The following TTLL7 variants were observed in gnomAD, a reference collection of about 807,000 sequenced individuals.
TTLL7 encodes the protein tubulin polyglutamylase TTLL7.
A neutral mutation model predicts 120.2 loss-of-function variants in TTLL7; 53 were observed. The ratio of observed to expected loss-of-function variants is 0.44; its 90% CI spans 0.35 to 0.55. The LOEUF is 0.55. TTLL7 is among the 20% of genes least tolerant of loss of function. TTLL7 has a pLI of 0.00. For missense variants in TTLL7, 803 were observed against 1,054.7 expected, an observed-to-expected ratio of 0.76 and a Z score of 3.31; for synonymous variants, 353 against 351.7, an observed-to-expected ratio of 1.00 and a Z score of -0.04.
intron 18 of TTLL7, among the ~76,000 whole-genome samples, chr1:83,897,320 G>A (rs369746886): frequency 1.3e-5 from 2 of 152,030 alleles, no homozygotes; most frequent in African/African-American, 4.8e-5. Flanking sequence ...CCTGGGGCAT[G>A]GTAGTCCCTC....
intron 19 of TTLL7, among the ~76,000 whole-genome samples, chr1:83,888,310 G>A (rs1237306079): frequency 6.6e-6 from 1 of 151,882 alleles, no homozygotes; most frequent in East Asian, 1.9e-4. Flanking sequence ...ATCAACTAAG[G>A]GGCTGTGGAG....
intron 1 of TTLL7, among the ~76,000 whole-genome samples, chr1:83,990,514 G>A (rs1557820586): frequency 6.6e-6 from 1 of 152,174 alleles, no homozygotes; most frequent in Admixed American, 6.5e-5. Flanking sequence ...GATTGCTCTG[G>A]CTAGGACTTC....
intron 1 of TTLL7, among the ~76,000 whole-genome samples, chr1:83,971,561 A>G (rs923657698): frequency 6.6e-6 from 1 of 152,150 alleles, no homozygotes; most frequent in Non-Finnish European, 1.5e-5. Flanking sequence ...CATCCCCAGG[A>G]TGCCACTCAG....
rs1004664939 is a variant in TTLL7, at chr1:83,865,537, T to C, written c.*4425A>G. ...TACGATACATCCCTTTATGACGAGG[T>C]CCAAAAAGCACCAAAAAATGGCAGC... is the stretch of plus-strand genomic sequence containing the variant. On this transcript the variant is annotated 3_prime_UTR_variant, in exon 21 of 21. Transcript: ENST00000260505. 2.6e-5 allele frequency: 4 copies of C among 151,946 alleles called. No individual in the cohort carries two copies. The highest frequency in any genetic ancestry group is 4.4e-5 in the Non-Finnish European group (3 of 67,862). 9.4% of individuals were successfully genotyped at this position (151,946 alleles called of 1,614,324 possible).
intron 18 of TTLL7, among the ~76,000 whole-genome samples, chr1:83,898,428 G>A (rs891309652): frequency 2.0e-5 from 3 of 151,914 alleles, no homozygotes; most frequent in Admixed American, 1.3e-4. Flanking sequence ...GAAGTTCTGA[G>A]AAGTCACCTG....
At chr1:83,900,006 AAATGTAGAAAGTC>A in intron 18 of TTLL7, 1 of 251,644 alleles carries the variant, frequency 4.0e-6, no homozygotes, top group Admixed American at 5.5e-5. Flanking sequence ...TTTTTCCTCT[AAATGTAGAAAGTC>A]AACTGAGCAT....
At position 83,906,350 on chromosome 1, in the gene TTLL7, T is replaced by A. The variant is rs769266789; in HGVS notation, c.2106A>T (p.Glu702Asp). The A allele has an allele frequency of 7.4e-6, 12 of 1,612,374 alleles. No homozygotes were observed. The highest frequency in any genetic ancestry group is 5.0e-5 in the Admixed American group (3 of 59,878). Residue 702 changes from glutamate (E) to aspartate (D), a missense_variant, in exon 17 of 21, where the codon GAA (glutamate) becomes GAT (aspartate). This residue lies in a region of TTLL7 where 388 missense variants were observed against 450.4 expected (regional missense o/e 0.86). Transcript: ENST00000260505. ...KIRFPGKSDA[E>D]SELLIEDIID... ...TCACATCTTCTATCAGAAGTTCTGATTCTGCATCTGACTTTCCTGGAAACC... is the reference window on the plus strand; with the variant it reads ...TCACATCTTCTATCAGAAGTTCTGAATCTGCATCTGACTTTCCTGGAAACC...
chr1:83,908,655 C>G (rs1018977034), intron 15 of TTLL7, among the ~76,000 whole-genome samples: 1 of 151,974 alleles, frequency 6.6e-6, no homozygotes, highest in African/African-American at 2.4e-5. Context: ...TCACTCAATA[C>G]TATCAATATT....
At chr1:83,992,168 A>G (rs1005269155) in intron 1 of TTLL7, among the ~76,000 whole-genome samples, 1 of 152,120 alleles carries the variant, frequency 6.6e-6, no homozygotes, top group African/African-American at 2.4e-5. Context: ...GATTTTTGAC[A>G]AGGCTTTTTG....
rs541301969 is a variant in TTLL7 at position 83,878,077 on chromosome 1, G to A, written c.2543+4886C>T. On this transcript the variant is annotated intron_variant, in intron 20 of 20. Transcript: ENST00000260505. ...TCCATTATAATCTCTTATTTGATTC[G>A]TGGATTATTTAAAAGTATACTTTTT... 9.2e-5 allele frequency among the ~76,000 whole-genome samples: 14 copies of A among 151,448 alleles called. No homozygotes were observed. The East Asian group carries it at 1.7e-3, about 19-fold the overall frequency.
rs1570992070 is a variant in TTLL7 at position 83,870,200 on chromosome 1, G to A, written c.2544-118C>T. 28 of 931,426 alleles carry A rather than the reference G, an allele frequency of 3.0e-5. 1 individual carries two copies. The East Asian group carries it at 9.1e-4, about 30-fold the overall frequency. The allele number at this position is 931,426 out of a possible 1,614,324, so 57.7% of individuals were successfully genotyped here. A position where few individuals can be genotyped will look rare whatever the true frequency, so the allele number is the denominator to read the frequency against. Reference sequence around the variant, plus strand: ...TGAGAAATGTTACTGTAACAAAAATGCAATTCATATAAAAAGATTTCCTCC... The same window carrying A: ...TGAGAAATGTTACTGTAACAAAAATACAATTCATATAAAAAGATTTCCTCC... On this transcript the variant is annotated intron_variant, in intron 20 of 20. Coordinates refer to ENST00000260505, the MANE Select transcript of TTLL7 (RefSeq NM_024686.6).
chr1:83,919,916 T>C (rs529791991), intron 12 of TTLL7, 82 bp from the exon 13 acceptor site: 1,713 of 1,363,922 alleles, frequency 1.3e-3, no homozygotes, highest in Middle Eastern at 3.4e-3. Context: ...TAGACAATCC[T>C]TGACCATCTA....
intron 7 of TTLL7, among the ~76,000 whole-genome samples, 158 bp from the exon 8 acceptor site, chr1:83,938,174 T>C (rs1647597868): frequency 6.6e-6 from 1 of 152,194 alleles, no homozygotes; most frequent in African/African-American, 2.4e-5. Flanking sequence ...CCCAATTAAA[T>C]GGAATGGCAC....
intron 6 of TTLL7, among the ~76,000 whole-genome samples, chr1:83,943,878 C>T (rs1648222483): frequency 6.6e-6 from 1 of 151,944 alleles, no homozygotes; most frequent in Non-Finnish European, 1.5e-5. Context: ...CTAACAGAAA[C>T]CATGTACAAA....
chr1:83,976,979 T>A (rs75452674), intron 1 of TTLL7, among the ~76,000 whole-genome samples: 7,127 of 152,116 alleles, frequency 0.047, 230 homozygotes, highest in Middle Eastern at 0.11. Flanking sequence ...TCGTCTATAT[T>A]AAGCCATTTT....
chr1:83,898,369 C>T (rs1176074833), intron 18 of TTLL7, among the ~76,000 whole-genome samples: 1 of 151,958 alleles, frequency 6.6e-6, no homozygotes, highest in Non-Finnish European at 1.5e-5. Context: ...CTTATGATGT[C>T]TCACTTAAGC....
chr1:83,879,799 T>C (rs949190699), intron 20 of TTLL7: 2 of 151,988 alleles, frequency 1.3e-5, no homozygotes, highest in Non-Finnish European at 2.9e-5. Context: ...TGACCATTTA[T>C]CAGAAGTCCA....
At chr1:83,967,829 TGAG>T (rs1255544337) in intron 1 of TTLL7, among the ~76,000 whole-genome samples, 1 of 151,726 alleles carries the variant, frequency 6.6e-6, no homozygotes, top group Non-Finnish European at 1.5e-5. Flanking sequence ...AACGCTGGAA[TGAG>T]GAGTTCAGCA....
intron 6 of TTLL7, among the ~76,000 whole-genome samples, chr1:83,945,436 C>T (rs906607427): frequency 6.6e-6 from 1 of 152,136 alleles, no homozygotes; most frequent in Admixed American, 6.5e-5. Flanking sequence ...ATTTATGTGC[C>T]TAATAACGGA....
Sources: allele counts gnomAD v4.1 joint callset (sites outside exome capture counted in the v4.1 genomes callset), GRCh38; gene constraint gnomAD v4.1.1; regional missense constraint gnomAD v4.1.1; transcripts MANE v1.5; gene names NCBI Gene and HGNC (gene_info 2026-07-23, HGNC 2026-07-21).